STAMBPL1: variants seen among roughly 807,000 people sequenced by gnomAD.
STAMBPL1 encodes the protein AMSH-like protease.
In STAMBPL1, 44 loss-of-function variants were observed where a neutral mutation model predicts 52.9. That is an observed-to-expected ratio of 0.83 (90% CI 0.65 to 1.07). The LOEUF (loss-of-function observed/expected upper bound fraction) is 1.07. STAMBPL1 is among the 50% of genes least tolerant of loss of function. The pLI is 0.00. For synonymous variants in STAMBPL1, 164 were observed against 177.3 expected, an observed-to-expected ratio of 0.92 and a Z score of 0.60; for missense variants, 511 against 520.8, an observed-to-expected ratio of 0.98 and a Z score of 0.18.
intron 1 of STAMBPL1, among the ~76,000 whole-genome samples, chr10:88,884,971 C>T (rs903408917): frequency 3.3e-5 from 5 of 152,148 alleles, no homozygotes; most frequent in Admixed American, 6.5e-5. Flanking sequence ...GCTGTAAATG[C>T]AAAGTGGTTA....
At chr10:88,901,467 G>A (rs1343714868) in intron 1 of STAMBPL1, 189 bp from the exon 2 acceptor site, 3 of 371,742 alleles carry the variant, frequency 8.1e-6, no homozygotes, top group Non-Finnish European at 9.6e-6. Context: ...ATCAGCTTCA[G>A]GAAACTATAA....
chr10:88,910,071 AT>A (rs967281548), intron 4 of STAMBPL1, among the ~76,000 whole-genome samples: 8 of 152,042 alleles, frequency 5.3e-5, no homozygotes, highest in African/African-American at 1.9e-4. Context: ...GGTTATGCTT[AT>A]TTTTTTTGTA....
intron 6 of STAMBPL1, among the ~76,000 whole-genome samples, 188 bp downstream of exon 6, chr10:88,913,646 A>C (rs984363449): frequency 1.3e-5 from 2 of 152,204 alleles, no homozygotes; most frequent in African/African-American, 4.8e-5. Flanking sequence ...CTTAAAATTC[A>C]GGAAATATGA....
rs143800327 is a variant in STAMBPL1, at chr10:88,895,429, G to A, written c.-53-6227G>A. Among the ~76,000 whole-genome samples the A allele has an allele frequency of 5.8e-3, 883 of 152,308 alleles. 11 individuals are homozygous for A. Among genetic ancestry groups the A allele is most frequent in the African/African-American group, 0.019 (803 of 41,562 alleles). ...AGTGGTGGCTAGGGGATAGATAACT[G>A]TCTGTCAAAAGCTCATTGCAAAGAA... On this transcript the variant is annotated intron_variant, in intron 1 of 10. Coordinates refer to ENST00000371926, the MANE Select transcript of STAMBPL1 (RefSeq NM_020799.4).
chr10:88,921,215 A>G, intron 8 of STAMBPL1, 68 bp from the exon 9 acceptor site: 1 of 1,242,284 alleles, frequency 8.0e-7, no homozygotes, highest in Non-Finnish European at 1.1e-6. Flanking sequence ...AGAGTTTTCT[A>G]TTAAAATAGC....
intron 1 of STAMBPL1, among the ~76,000 whole-genome samples, chr10:88,886,309 C>A (rs1267163556): frequency 6.6e-6 from 1 of 152,108 alleles, no homozygotes; most frequent in African/African-American, 2.4e-5. Context: ...ATCCTTGGTA[C>A]CCAGCATGCA....
intron 9 of STAMBPL1, among the ~76,000 whole-genome samples, chr10:88,921,960 C>T (rs981755633): frequency 3.3e-5 from 5 of 152,156 alleles, no homozygotes; most frequent in African/African-American, 9.7e-5. Flanking sequence ...GGTACCACAG[C>T]AGGTACTCAA....
At chr10:88,908,663 C>T in intron 3 of STAMBPL1, 39 bp from the exon 4 acceptor site, 3 of 1,523,812 alleles carry the variant, frequency 2.0e-6, no homozygotes, top group Non-Finnish European at 2.7e-6. Context: ...TGAACTTTTG[C>T]TGTCACATAA....
chr10:88,903,556 G>A (rs1475984653), intron 2 of STAMBPL1, among the ~76,000 whole-genome samples: 1 of 152,180 alleles, frequency 6.6e-6, no homozygotes, highest in Non-Finnish European at 1.5e-5. Context: ...ATACATATGA[G>A]AGGCTGGAAC....
At chr10:88,917,171 A>G (rs1004380301) in intron 8 of STAMBPL1, among the ~76,000 whole-genome samples, 9 of 152,214 alleles carry the variant, frequency 5.9e-5, no homozygotes, top group African/African-American at 1.9e-4. Context: ...ATGATTTTAC[A>G]TAGCCTAGTG....
intron 1 of STAMBPL1, among the ~76,000 whole-genome samples, chr10:88,892,755 C>G (rs7076879): frequency 0.083 from 12,684 of 152,222 alleles, 1,181 homozygotes; most frequent in African/African-American, 0.22. Flanking sequence ...CAGTGGATGA[C>G]AAGTACTTCA....
At chr10:88,883,106 G>C (rs1322290217) in intron 1 of STAMBPL1, among the ~76,000 whole-genome samples, 3 of 147,726 alleles carry the variant, frequency 2.0e-5, no homozygotes, top group Non-Finnish European at 4.4e-5. Context: ...GAGAACATGC[G>C]GTGTTTGGTT....
intron 2 of STAMBPL1, among the ~76,000 whole-genome samples, chr10:88,902,833 T>G (rs1372955062): frequency 6.6e-6 from 1 of 152,236 alleles, no homozygotes; most frequent in Non-Finnish European, 1.5e-5. Flanking sequence ...CCTCCCAGAT[T>G]GCTGGGATTA....
chr10:88,895,225 C>T (rs1193902254), intron 1 of STAMBPL1, among the ~76,000 whole-genome samples: 1 of 152,096 alleles, frequency 6.6e-6, no homozygotes, highest in Non-Finnish European at 1.5e-5. Flanking sequence ...CATATATTCC[C>T]TAGGATGTCT....
chr10:88,895,365 A>G (rs1025299183), intron 1 of STAMBPL1, among the ~76,000 whole-genome samples: 1 of 152,238 alleles, frequency 6.6e-6, no homozygotes, highest in Non-Finnish European at 1.5e-5. Flanking sequence ...GAAAGTGACT[A>G]TCTCTAGTGG....
In STAMBPL1 at chr10:88,895,408, G is replaced by A. The variant is rs548663279; in HGVS notation, c.-53-6248G>A. Among the ~76,000 whole-genome samples, 4 of 152,330 alleles carry A rather than the reference G, an allele frequency of 2.6e-5. No homozygotes were observed. In the South Asian group the frequency reaches 6.2e-4, roughly 24 times the overall value. On this transcript the variant is annotated intron_variant, in intron 1 of 10. Coordinates refer to ENST00000371926, the MANE Select transcript of STAMBPL1 (RefSeq NM_020799.4). ...CCCTGCTGGTGAGGAAGAAGTAGTG[G>A]TGGCTAGGGGATAGATAACTGTCTG... is the stretch of plus-strand genomic sequence containing the variant.
rs1845055035 is a variant in STAMBPL1, at chr10:88,905,645, A to G, written c.233A>G (p.Tyr78Cys). The G allele has an allele frequency of 2.5e-6, 4 of 1,613,578 alleles. No individual in the cohort carries two copies. The highest frequency in any genetic ancestry group is 3.4e-6 in the Non-Finnish European group (4 of 1,179,656). ...AATTTGGAAAATGCCTTTGTTCTTTATAATAAATTTATAACGTAAGTGTTT... is the reference window on the plus strand; with the variant it reads ...AATTTGGAAAATGCCTTTGTTCTTTGTAATAAATTTATAACGTAAGTGTTT... ...EGNLENAFVL[Y>C]NKFITLFVEK... The change falls in exon 3 of 11, where the codon TAT (tyrosine) becomes TGT (cysteine). Residue 78 changes from tyrosine to cysteine, a missense_variant. By Grantham distance (194) the Tyr-to-Cys change is radical. Coordinates refer to ENST00000371926, the MANE Select transcript of STAMBPL1 (RefSeq NM_020799.4).
intron 1 of STAMBPL1, among the ~76,000 whole-genome samples, chr10:88,899,037 T>G (rs904834978): frequency 3.9e-5 from 6 of 152,220 alleles, no homozygotes; most frequent in African/African-American, 1.2e-4. Flanking sequence ...TAGAATCCCC[T>G]GTTCATCAAG....
At chr10:88,913,778 C>T (rs1319911329) in intron 6 of STAMBPL1, among the ~76,000 whole-genome samples, 1 of 151,530 alleles carries the variant, frequency 6.6e-6, no homozygotes, top group East Asian at 1.9e-4. Context: ...GAAATACATA[C>T]ATCTTAAATA....
Sources: gnomAD v4.1 joint callset for allele counts (sites outside exome capture counted in the v4.1 genomes callset) on GRCh38, gnomAD v4.1.1 for gene constraint, MANE v1.5 for transcripts, NCBI Gene and HGNC (gene_info 2026-07-23, HGNC 2026-07-21) for gene names.